The following CAMK1D variants were observed in gnomAD, a reference collection of about 807,000 sequenced individuals.
CAMK1D encodes calcium/calmodulin dependent protein kinase ID.
In CAMK1D, 9 loss-of-function variants were observed where a neutral mutation model predicts 47.7. That is an observed-to-expected ratio of 0.19 (90% CI 0.11 to 0.33). The LOEUF (loss-of-function observed/expected upper bound fraction) is 0.33. Ranked by LOEUF, CAMK1D falls within the 10% of genes least tolerant of loss-of-function variation. CAMK1D has a pLI of 1.00. For synonymous variants in CAMK1D, 184 were observed against 184.9 expected (o/e 0.99, Z 0.04); for missense variants, 291 against 488.7 (o/e 0.60, Z 3.81).
intron 2 of CAMK1D, among the ~76,000 whole-genome samples, chr10:12,653,952 T>C (rs1014715036): frequency 6.6e-6 from 1 of 152,174 alleles, no homozygotes; most frequent in Non-Finnish European, 1.5e-5. Context: ...GTTTGAGTTG[T>C]GAAATATGGA....
chr10:12,522,240 C>T (rs1184788776), intron 1 of CAMK1D, among the ~76,000 whole-genome samples: 7 of 130,774 alleles, frequency 5.4e-5, no homozygotes, highest in African/African-American at 1.5e-4. Flanking sequence ...GGGTGTTTCT[C>T]GCAGAGGGGG....
intron 1 of CAMK1D, among the ~76,000 whole-genome samples, chr10:12,385,086 A>G (rs943316267): frequency 6.6e-6 from 1 of 152,204 alleles, no homozygotes; most frequent in Non-Finnish European, 1.5e-5. Flanking sequence ...TGACTGTAAT[A>G]AAAAGATAGA....
At chr10:12,614,584 G>C (rs1233782046) in intron 2 of CAMK1D, among the ~76,000 whole-genome samples, 1 of 152,164 alleles carries the variant, frequency 6.6e-6, no homozygotes, top group African/African-American at 2.4e-5. Flanking sequence ...TAATTTTCGA[G>C]GGAAATTTTG....
chr10:12,765,645 G>A (rs543780000), intron 4 of CAMK1D, among the ~76,000 whole-genome samples: 62 of 152,278 alleles, frequency 4.1e-4, no homozygotes, highest in African/African-American at 1.4e-3. Context: ...GGTGATACCC[G>A]AGATTCATTG....
At chr10:12,508,690 A>G (rs1386259050) in intron 1 of CAMK1D, among the ~76,000 whole-genome samples, 1 of 152,130 alleles carries the variant, frequency 6.6e-6, no homozygotes, top group African/African-American at 2.4e-5. Flanking sequence ...AAGCAAACAC[A>G]TGGGTCTCCT....
intron 2 of CAMK1D, among the ~76,000 whole-genome samples, chr10:12,632,545 C>G (rs7897208): frequency 0.082 from 12,536 of 152,164 alleles, 532 homozygotes; most frequent in African/African-American, 0.098. Context: ...CTGTTTTCTC[C>G]TATATATATT....
intron 2 of CAMK1D, among the ~76,000 whole-genome samples, chr10:12,599,183 G>T (rs1350237872): frequency 2.0e-5 from 3 of 152,152 alleles, no homozygotes; most frequent in Non-Finnish European, 1.5e-5. Flanking sequence ...GGGGTTACTT[G>T]GAGCAGTCGC....
intron 3 of CAMK1D, among the ~76,000 whole-genome samples, chr10:12,674,180 A>G (rs1840718348): frequency 6.6e-6 from 1 of 152,174 alleles, no homozygotes; most frequent in African/African-American, 2.4e-5. Context: ...CCTGACCTCA[A>G]GCAATCCTCC....
At chr10:12,651,681 C>G (rs578042062) in intron 2 of CAMK1D, among the ~76,000 whole-genome samples, 90 of 152,168 alleles carry the variant, frequency 5.9e-4, no homozygotes, top group African/African-American at 2.1e-3. Flanking sequence ...GGATTACAGG[C>G]GTGAGCCATA....
intron 1 of CAMK1D, among the ~76,000 whole-genome samples, chr10:12,540,826 G>C (rs536647782): frequency 6.6e-6 from 1 of 151,884 alleles, no homozygotes; most frequent in African/African-American, 2.4e-5. Context: ...GGATCTGTCT[G>C]TTCCTAAGCA....
intron 2 of CAMK1D, among the ~76,000 whole-genome samples, chr10:12,607,268 T>C (rs1345145021): frequency 6.6e-6 from 1 of 152,198 alleles, no homozygotes; most frequent in Non-Finnish European, 1.5e-5. Flanking sequence ...AACTGGGCTT[T>C]AAAGCCAAGT....
intron 1 of CAMK1D, among the ~76,000 whole-genome samples, chr10:12,373,207 GGA>G (rs1324309317): frequency 1.3e-5 from 2 of 152,016 alleles, no homozygotes; most frequent in African/African-American, 2.4e-5. Flanking sequence ...CAGCTACTTT[GGA>G]GACTGAGGTG....
rs77316124 is a variant in CAMK1D at position 12,506,887 on chromosome 10, C to T, written c.93-46338C>T. ...AGGGTAGGACCTGCCAACCTCGGGT[C>T]ACATCATGTCCTTAGTTCCTAGCGT... On this transcript the variant is annotated intron_variant, in intron 1 of 10. Coordinates refer to ENST00000619168, the MANE Select transcript of CAMK1D (RefSeq NM_153498.4). 7.0e-3 allele frequency among the ~76,000 whole-genome samples: 1,062 copies of T among 152,302 alleles called. 18 individuals are homozygous for T. Among genetic ancestry groups the T allele is most frequent in the African/African-American group, 0.024 (1,003 of 41,566 alleles).
intron 1 of CAMK1D, among the ~76,000 whole-genome samples, chr10:12,534,241 G>A (rs1440498733): frequency 1.3e-5 from 2 of 152,094 alleles, no homozygotes; most frequent in African/African-American, 2.4e-5. Flanking sequence ...ATGGAGTCTC[G>A]CTCTGTCACC....
chr10:12,488,836 C>T (rs7091266), intron 1 of CAMK1D, among the ~76,000 whole-genome samples: 34,032 of 152,106 alleles, frequency 0.22, 4,841 homozygotes, highest in Non-Finnish European at 0.31. Flanking sequence ...CTGACGGAGG[C>T]GGAGCTCAGG....
intron 5 of CAMK1D, among the ~76,000 whole-genome samples, chr10:12,778,906 G>C (rs1837378680): frequency 6.6e-6 from 1 of 152,130 alleles, no homozygotes; most frequent in African/African-American, 2.4e-5. Context: ...GTTCATCAAG[G>C]GTTGGAATGA....
chr10:12,548,041 C>T (rs961885708), intron 1 of CAMK1D, among the ~76,000 whole-genome samples: 16 of 152,166 alleles, frequency 1.1e-4, no homozygotes, highest in African/African-American at 3.6e-4. Flanking sequence ...GCCCTGGTAG[C>T]CACCTGTATC....
intron 2 of CAMK1D, among the ~76,000 whole-genome samples, chr10:12,591,862 T>TC (rs1458476099): frequency 6.6e-6 from 1 of 152,104 alleles, no homozygotes; most frequent in Non-Finnish European, 1.5e-5. Flanking sequence ...CCCAGCTAAT[T>TC]TTTTGTATTT....
chr10:12,754,843 C>T (rs1211154486), intron 3 of CAMK1D, among the ~76,000 whole-genome samples: 3 of 152,064 alleles, frequency 2.0e-5, no homozygotes, highest in Admixed American at 1.3e-4. Context: ...CATATGACCT[C>T]GTTAAACCTT....
Sources: allele counts gnomAD v4.1 joint callset (sites outside exome capture counted in the v4.1 genomes callset), GRCh38; gene constraint gnomAD v4.1.1; transcripts MANE v1.5; gene names NCBI Gene and HGNC (gene_info 2026-07-23, HGNC 2026-07-21).